ERC1: variants seen among roughly 807,000 people sequenced by gnomAD.
The protein encoded by ERC1 is RAB6 interacting protein 2.
In ERC1, 56 loss-of-function variants were observed where a neutral mutation model predicts 132.0. The ratio of observed to expected loss-of-function variants is 0.42; its 90% CI spans 0.34 to 0.53. The LOEUF (loss-of-function observed/expected upper bound fraction) is 0.53. Ranked by LOEUF, ERC1 falls within the 20% of genes least tolerant of loss-of-function variation. The pLI, the probability that ERC1 is intolerant of heterozygous loss-of-function variation, is 0.03. For synonymous variants in ERC1, 478 were observed against 476.1 expected (o/e 1.00, Z -0.05); for missense variants, 1,202 against 1,349.9 (o/e 0.89, Z 1.72).
At chr12:1,232,296 T>C (rs2075103507) in intron 12 of ERC1, among the ~76,000 whole-genome samples, 1 of 152,200 alleles carries the variant, frequency 6.6e-6, no homozygotes, top group African/African-American at 2.4e-5. Flanking sequence ...CAGTGTAATT[T>C]TCTTTGACTT....
rs578145160 is a variant in ERC1, at chr12:1,028,386, A to G, written c.483A>G (p.Val161=). ...ATCTGCAGACACAGCTGAAGGAAGT[A>G]TTAAGAGAAAATGATCTCTTGCGGA... ...IMDLQTQLKE[V]LRENDLLRKD... is the part of the protein sequence containing the mutation. The change falls in exon 2 of 19, where the codon GTA becomes GTG. Residue 161 remains valine (V), a synonymous_variant. Coordinates refer to ENST00000360905, the MANE Select transcript of ERC1 (RefSeq NM_178040.4). The G allele has an allele frequency of 1.2e-6, 2 of 1,614,222 alleles. No homozygotes were observed. The highest frequency in any genetic ancestry group is 2.2e-5 in the South Asian group (2 of 91,086).
chr12:1,060,394 T>C (rs1973784965), intron 2 of ERC1, among the ~76,000 whole-genome samples: 1 of 151,916 alleles, frequency 6.6e-6, no homozygotes, highest in African/African-American at 2.4e-5. Context: ...TTCTCATTGT[T>C]CAATTCCCAT....
At chr12:1,002,380 T>G in intron 1 of ERC1, among the ~76,000 whole-genome samples, 1 of 147,042 alleles carries the variant, frequency 6.8e-6, no homozygotes. Context: ...AGAGATGGAG[T>G]TTTACTATGC....
chr12:1,094,061 C>G (rs1293891963), intron 3 of ERC1, among the ~76,000 whole-genome samples: 2 of 145,776 alleles, frequency 1.4e-5, no homozygotes, highest in South Asian at 4.4e-4. Context: ...CTCTGTCGCC[C>G]AGGCTGGGGT....
At chr12:1,032,464 T>A (rs1262430889) in intron 2 of ERC1, among the ~76,000 whole-genome samples, 1 of 152,260 alleles carries the variant, frequency 6.6e-6, no homozygotes, top group African/African-American at 2.4e-5. Flanking sequence ...TTGCTCAGTG[T>A]GTCTCATCCT....
At chr12:1,126,669 A>T (rs1948190593) in intron 7 of ERC1, among the ~76,000 whole-genome samples, 1 of 152,158 alleles carries the variant, frequency 6.6e-6, no homozygotes, top group African/African-American at 2.4e-5. Context: ...CTCTTAAAAT[A>T]GTAAGGATTC....
At chr12:1,111,657 C>T (rs1486085284) in intron 5 of ERC1, among the ~76,000 whole-genome samples, 1 of 147,586 alleles carries the variant, frequency 6.8e-6, no homozygotes, top group Non-Finnish European at 1.5e-5. Context: ...TATGCTTTGT[C>T]GACCAGGCTG....
At chr12:1,067,533 G>C (rs1381860134) in intron 2 of ERC1, among the ~76,000 whole-genome samples, 1 of 152,218 alleles carries the variant, frequency 6.6e-6, no homozygotes, top group East Asian at 1.9e-4. Flanking sequence ...AATTGCTGAT[G>C]GAAGTGGATC....
At chr12:1,091,586 C>T (rs1253406844) in intron 3 of ERC1, among the ~76,000 whole-genome samples, 2 of 152,148 alleles carry the variant, frequency 1.3e-5, no homozygotes, top group Admixed American at 1.3e-4. Context: ...ATGCGCACAG[C>T]ACTAAGGATA....
At chr12:1,078,152 G>GA (rs1251357424) in intron 2 of ERC1, among the ~76,000 whole-genome samples, 1 of 152,158 alleles carries the variant, frequency 6.6e-6, no homozygotes, top group African/African-American at 2.4e-5. Flanking sequence ...CTCCTGACTT[G>GA]AATGAATTGA....
intron 15 of ERC1, among the ~76,000 whole-genome samples, chr12:1,324,016 T>G (rs6489281): frequency 0.035 from 5,266 of 152,262 alleles, 96 homozygotes; most frequent in Middle Eastern, 0.075. Flanking sequence ...AGATTGGTCA[T>G]TGGTCTTGTC....
intron 8 of ERC1, among the ~76,000 whole-genome samples, chr12:1,167,918 G>A (rs1377374733): frequency 1.3e-5 from 2 of 151,890 alleles, no homozygotes; most frequent in Non-Finnish European, 1.5e-5. Context: ...GTTTCAGCAT[G>A]TTGGCCAGGA....
chr12:1,475,157 T>C (rs2093945493), intron 18 of ERC1, among the ~76,000 whole-genome samples: 1 of 152,130 alleles, frequency 6.6e-6, no homozygotes, highest in Non-Finnish European at 1.5e-5. Context: ...CACAGTGGAG[T>C]GCTACACTGT....
intron 8 of ERC1, among the ~76,000 whole-genome samples, chr12:1,143,508 T>C (rs942342692): frequency 6.6e-6 from 1 of 152,130 alleles, no homozygotes; most frequent in African/African-American, 2.4e-5. Context: ...TAACATTGTT[T>C]AAATTTTTGT....
At chr12:1,063,077 T>C (rs1593042714) in intron 2 of ERC1, among the ~76,000 whole-genome samples, 1 of 152,282 alleles carries the variant, frequency 6.6e-6, no homozygotes, top group Middle Eastern at 3.4e-3. Context: ...TTTTCTTTTT[T>C]TTTGAGACGG....
chr12:1,271,001 T>C (rs1321352989), intron 14 of ERC1, among the ~76,000 whole-genome samples: 1 of 152,174 alleles, frequency 6.6e-6, no homozygotes, highest in African/African-American at 2.4e-5. Flanking sequence ...ATACTTCCTT[T>C]TCTTTAAAAA....
chr12:1,250,878 T>A (rs1202563878), intron 13 of ERC1, among the ~76,000 whole-genome samples: 1 of 152,160 alleles, frequency 6.6e-6, no homozygotes, highest in Non-Finnish European at 1.5e-5. Context: ...AAAGAGGTTG[T>A]TGTGAGAGAG....
chr12:1,359,231 C>A (rs1030879548), intron 15 of ERC1, among the ~76,000 whole-genome samples: 1 of 151,978 alleles, frequency 6.6e-6, no homozygotes, highest in Non-Finnish European at 1.5e-5. Flanking sequence ...CATTTTAGGT[C>A]AAATTAAACA....
chr12:1,431,765 A>G (rs2092804207), intron 17 of ERC1, among the ~76,000 whole-genome samples: 1 of 152,208 alleles, frequency 6.6e-6, no homozygotes, highest in Non-Finnish European at 1.5e-5. Flanking sequence ...CCTTTTTACA[A>G]TAATCTGTTG....
Sources: gnomAD v4.1 joint callset for allele counts (sites outside exome capture counted in the v4.1 genomes callset) on GRCh38, gnomAD v4.1.1 for gene constraint, MANE v1.5 for transcripts, NCBI Gene and HGNC (gene_info 2026-07-23, HGNC 2026-07-21) for gene names.